FAAP20: variants seen among roughly 807,000 people sequenced by gnomAD.
FAAP20 encodes FA core complex associated protein 20, also known as Fanconi anemia core complex-associated protein 20.
FAAP20 carries 12 observed loss-of-function variants against 16.2 expected under a neutral mutation model. The ratio of observed to expected loss-of-function variants is 0.74; its 90% confidence interval spans 0.48 to 1.20. The LOEUF (loss-of-function observed/expected upper bound fraction) is 1.20, where lower values mean the gene tolerates loss of function less well. Among genes scored for constraint, FAAP20 ranks in the 50% most tolerant of loss-of-function variants. The pLI, the probability that FAAP20 is intolerant of heterozygous loss-of-function variation, is 0.00. For synonymous variants in FAAP20, 141 were observed against 110.7 expected (o/e 1.27, Z -1.72); for missense variants, 288 against 245.8 (o/e 1.17, Z -1.15).
Position 2,193,723 on chromosome 1 carries a change from GC to G in FAAP20, c.385del (p.Ala129ProfsTer30). The G allele has an allele frequency of 6.3e-7, 1 of 1,592,382 alleles. No individual in the cohort carries two copies. The highest frequency in any genetic ancestry group is 1.7e-4 in the Middle Eastern group (1 of 5,864). On this transcript the variant is annotated frameshift_variant, in exon 3 of 4. Transcript: ENST00000378546. LOFTEE classifies it high-confidence loss of function. ...AGACGGCTGCTGCTCCACCCTGGGG[GC>G]CCTGCAGGGATCAGGTGCCGGGCGC... ...PQRPAPDPCR[A>X]PRVEQQPSVE...
intron 3 of FAAP20, chr1:2,192,748 G>C (rs1688376152): frequency 2.7e-6 from 3 of 1,120,592 alleles, no homozygotes; most frequent in Admixed American, 5.1e-5. Context: ...AGAGTAGCTA[G>C]GACCACAGGC....
intron 3 of FAAP20, among the ~76,000 whole-genome samples, chr1:2,204,970 G>A (rs1455999480): frequency 1.4e-5 from 1 of 72,740 alleles, no homozygotes; most frequent in Non-Finnish European, 2.7e-5. Context: ...CCGCCCCCCG[G>A]GCGCCACGCG....
downstream of FAAP20, among the ~76,000 whole-genome samples, chr1:2,208,194 T>G (rs999589202): frequency 2.6e-5 from 4 of 152,014 alleles, no homozygotes; most frequent in African/African-American, 9.7e-5. Context: ...CACCTGGCCC[T>G]AGGGCCTGGG....
At chr1:2,209,174 C>T (rs1038488296), downstream of FAAP20, among the ~76,000 whole-genome samples, 3 of 152,282 alleles carry the variant, frequency 2.0e-5, no homozygotes, top group South Asian at 2.1e-4. Flanking sequence ...ACTCCGTCCC[C>T]CACCTGCTGC....
chr1:2,194,066 G>A lies in FAAP20; in HGVS notation c.130C>T (p.Leu44=), dbSNP rs905758148. 6.2e-7 allele frequency: 1 copy of A among 1,612,694 alleles called. No homozygotes were observed. Among genetic ancestry groups the A allele is most frequent in the Admixed American group, 1.7e-5 (1 of 60,016 alleles). ...ATCAGCTCCGGGCTCACCGTGCGCA[G>A]TAGCTCGGCCCAGAGCCGCTCCCGC... ...DERERLWAEL[L]RTVSPELILD... The change falls in exon 2 of 4, where the codon CTG becomes TTG. Residue 44 remains leucine (L), a synonymous_variant. Coordinates refer to ENST00000378546, the MANE Select transcript of FAAP20 (RefSeq NM_182533.4).
chr1:2,196,089 TCCA>T (rs768824929), upstream of FAAP20, among the ~76,000 whole-genome samples: 10 of 152,278 alleles, frequency 6.6e-5, no homozygotes, highest in East Asian at 9.7e-4. The surrounding 1 kb of genome is among the most constrained non-coding windows in gnomAD (Gnocchi z 4.5). Context: ...CAGCCCCACG[TCCA>T]CCACATGGCA....
chr1:2,185,579 C>T (rs1687467624), downstream of FAAP20: 1 of 704,270 alleles, frequency 1.4e-6, no homozygotes, highest in Non-Finnish European at 2.7e-6. Flanking sequence ...GTTGTTCTTC[C>T]TGCAGAGTGT....
At chr1:2,203,642 G>A (rs1689130841), upstream of FAAP20, 1 of 986,062 alleles carries the variant, frequency 1.0e-6, no homozygotes. Flanking sequence ...TGAGCGGAGG[G>A]AAGATATCAG....
chr1:2,194,163 G>T (rs1191629809), intron 1 of FAAP20, 30 bp from the exon 2 acceptor site: 1 of 1,610,320 alleles, frequency 6.2e-7, no homozygotes, highest in Non-Finnish European at 8.5e-7. Flanking sequence ...CAGACAGGGG[G>T]TACTCAGTAG....
chr1:2,185,803 C>T (rs1008773856), downstream of FAAP20, among the ~76,000 whole-genome samples: 4 of 152,208 alleles, frequency 2.6e-5, no homozygotes, highest in Non-Finnish European at 5.9e-5. Context: ...ATGCCTCGTG[C>T]GACGCATTTG....
upstream of FAAP20, chr1:2,201,351 G>C: frequency 1.3e-6 from 1 of 740,986 alleles, no homozygotes; most frequent in Non-Finnish European, 1.7e-6. Context: ...GGACACCCGT[G>C]GGCAGGGAGC....
upstream of FAAP20, among the ~76,000 whole-genome samples, chr1:2,195,175 T>C (rs1688757470): frequency 6.6e-6 from 1 of 152,154 alleles, no homozygotes; most frequent in Non-Finnish European, 1.5e-5. Context: ...AAATCCGCCG[T>C]CGCCACCACC....
chr1:2,199,291 A>G, upstream of FAAP20: 1 of 1,059,254 alleles, frequency 9.4e-7, no homozygotes, highest in Non-Finnish European at 1.1e-6. This position sits in a 1 kb window ranked among gnomAD's most constrained non-coding sequence, Gnocchi z 4.5. Context: ...CTCCATCCCC[A>G]CGTGTCGGGC....
downstream of FAAP20, among the ~76,000 whole-genome samples, chr1:2,185,705 A>C (rs1053405330): frequency 6.6e-6 from 1 of 152,204 alleles, no homozygotes; most frequent in Non-Finnish European, 1.5e-5. Flanking sequence ...AACGTGGCCC[A>C]CCAAAGCACA....
Position 2,189,706 on chromosome 1 carries a change from C to G in FAAP20, c.*3G>C. On this transcript the variant is annotated 3_prime_UTR_variant, in exon 4 of 4. Transcript: ENST00000378546. ...CACTCTGCGCAGGGCTCTTGGATGG[C>G]GCTCACCACGTCACGTCTTCTGTGC... is the stretch of plus-strand genomic sequence containing the variant. 1 of 1,608,654 alleles carries G rather than the reference C, an allele frequency of 6.2e-7. No individual in the cohort carries two copies. The highest frequency in any genetic ancestry group is 8.5e-7 in the Non-Finnish European group (1 of 1,176,986).
At position 2,194,706 on chromosome 1, in the gene FAAP20, C is replaced by G; in HGVS notation, c.44G>C (p.Arg15Thr). The change falls in exon 1 of 4, where the codon AGG becomes ACG. Residue 15 changes from arginine to threonine, a missense_variant. Coordinates refer to ENST00000378546, the MANE Select transcript of FAAP20 (RefSeq NM_182533.4). Reference protein sequence around the residue: ...RRPRLGLSRRRPRPAGGPSGG... With the variant: ...RRPRLGLSRRTPRPAGGPSGG... ...GCCTCACCCGCCCGCCGGGCGCGGC[C>G]TCCGGCGGCTCAACCCCAGCCGCGG... 8.5e-7 allele frequency: 1 copy of G among 1,178,108 alleles called. No homozygotes were observed. Among genetic ancestry groups the G allele is most frequent in the South Asian group, 4.0e-5 (1 of 24,760 alleles). The allele number at this position is 1,178,108 out of a possible 1,614,324, so 73.0% of individuals were successfully genotyped here. A position where few individuals can be genotyped will look rare whatever the true frequency, so the allele number is the denominator to read the frequency against.
At chr1:2,194,260 C>T (rs1688611571) in intron 1 of FAAP20, 127 bp from the exon 2 acceptor site, 2 of 1,041,264 alleles carry the variant, frequency 1.9e-6, no homozygotes, top group African/African-American at 2.1e-5. Flanking sequence ...TTCGATGGTG[C>T]GGGAGGTGGC....
At chr1:2,194,791 CGCCCCTCCA>C, upstream of FAAP20, 1 of 1,097,832 alleles carries the variant, frequency 9.1e-7, no homozygotes, top group Non-Finnish European at 1.1e-6. Flanking sequence ...GCCCCGCCCC[CGCCCCTCCA>C]GGCCCCGCCC....
At chr1:2,187,285 C>CTTTTTTTTTTTTTTTT, downstream of FAAP20, 1 of 297,034 alleles carries the variant, frequency 3.4e-6, no homozygotes, top group Non-Finnish European at 6.8e-6. Context: ...AAGCCATTTT[C>CTTTTTTTTTTTTTTTT]TTTTTTTTTT....
Sources: allele counts gnomAD v4.1 joint callset (sites outside exome capture counted in the v4.1 genomes callset), GRCh38; gene constraint gnomAD v4.1.1; non-coding constraint Gnocchi (gnomAD v3.1); transcripts MANE v1.5; gene names NCBI Gene and HGNC (gene_info 2026-07-23, HGNC 2026-07-21).